FHIT: variants seen among roughly 807,000 people sequenced by gnomAD.
FHIT encodes the protein bis(5'-adenosyl)-triphosphatase.
FHIT carries 19 observed loss-of-function variants against 17.9 expected under a neutral mutation model. The ratio of observed to expected loss-of-function variants is 1.06; its 90% CI spans 0.74 to 1.56. The LOEUF (loss-of-function observed/expected upper bound fraction) is 1.56, where lower values mean the gene tolerates loss of function less well. Ranked by LOEUF, FHIT falls within the 40% of genes most tolerant of loss-of-function variation. The pLI, the probability that FHIT is intolerant of heterozygous loss-of-function variation, is 0.00. For synonymous variants in FHIT, 81 were observed against 69.7 expected (o/e 1.16, Z -0.81); for missense variants, 248 against 189.2 (o/e 1.31, Z -1.82).
chr3:61,118,534 A>G (rs2036367029), intron 2 of FHIT, among the ~76,000 whole-genome samples: 1 of 152,308 alleles, frequency 6.6e-6, no homozygotes, highest in Admixed American at 6.5e-5. Flanking sequence ...TTGTATTTCC[A>G]TTTCAAAGAC....
At chr3:59,779,188 T>C (rs1702462646) in intron 8 of FHIT, among the ~76,000 whole-genome samples, 1 of 152,168 alleles carries the variant, frequency 6.6e-6, no homozygotes, top group South Asian at 2.1e-4. Context: ...AGCTTGGACA[T>C]AAAGACTTTC....
chr3:60,503,352 A>G (rs1439942384), intron 5 of FHIT, among the ~76,000 whole-genome samples: 1 of 152,122 alleles, frequency 6.6e-6, no homozygotes, highest in Non-Finnish European at 1.5e-5. Context: ...TTGTATGTCC[A>G]CTCATTGAGA....
intron 8 of FHIT, among the ~76,000 whole-genome samples, chr3:59,912,123 T>A (rs975225813): frequency 1.3e-5 from 2 of 152,224 alleles, no homozygotes; most frequent in African/African-American, 4.8e-5. Flanking sequence ...AATGCCCAAA[T>A]GAGCACTTCA....
At chr3:60,319,901 A>G (rs879284404) in intron 5 of FHIT, among the ~76,000 whole-genome samples, 1 of 152,162 alleles carries the variant, frequency 6.6e-6, no homozygotes, top group East Asian at 1.9e-4. Flanking sequence ...TGCCTACACA[A>G]AACAGGGTTT....
At chr3:60,855,142 C>A (rs1036073593) in intron 3 of FHIT, among the ~76,000 whole-genome samples, 1 of 152,072 alleles carries the variant, frequency 6.6e-6, no homozygotes, top group Admixed American at 6.6e-5. Flanking sequence ...AAAATGTATT[C>A]TCCTTCTTCT....
intron 2 of FHIT, among the ~76,000 whole-genome samples, chr3:61,180,070 A>G (rs1226852382): frequency 6.6e-6 from 1 of 152,198 alleles, no homozygotes; most frequent in African/African-American, 2.4e-5. Context: ...CTCTGAAAAC[A>G]CTGAGAAGTT....
intron 4 of FHIT, chr3:60,618,060 A>G (rs1185147377): frequency 1.2e-5 from 2 of 162,768 alleles, no homozygotes; most frequent in African/African-American, 2.4e-5. Flanking sequence ...AAAGATACAA[A>G]GTAAATTTAA....
intron 1 of FHIT, among the ~76,000 whole-genome samples, chr3:61,213,025 C>G (rs1457921007): frequency 1.3e-5 from 2 of 152,180 alleles, no homozygotes; most frequent in Admixed American, 6.5e-5. Flanking sequence ...TGGAAAGGAA[C>G]AACCAGTACC....
intron 8 of FHIT, among the ~76,000 whole-genome samples, chr3:59,765,489 T>C (rs558013689): frequency 1.3e-5 from 2 of 152,316 alleles, no homozygotes; most frequent in African/African-American, 4.8e-5. Flanking sequence ...AAATTACCAA[T>C]GTTTGAAAGT....
At position 60,288,566 on chromosome 3, in the gene FHIT, A is replaced by AGTGTGTGTGTGTGTGT. The variant is rs139336094; in HGVS notation, c.103+248278_103+248293dup. Among the ~76,000 whole-genome samples the AGTGTGTGTGTGTGTGT allele has an allele frequency of 7.6e-4, 110 of 144,664 alleles. 1 individual carries two copies. The Middle Eastern group carries it at 0.014, about 19-fold the overall frequency. The allele number at this position is 144,664 out of a possible 152,430, so 94.9% of individuals were successfully genotyped here. On this transcript the variant is annotated intron_variant, in intron 5 of 9. Transcript: ENST00000492590. ...CATTCTGTTTTCTAGGTTCTGGCACAGTGTGTGTGTGTGTGTGTGTGTGTG... is the reference window on the plus strand; with the variant it reads ...CATTCTGTTTTCTAGGTTCTGGCACAGTGTGTGTGTGTGTGTGTGTGTGTGTGTGTGTGTGTGTGTG...
chr3:60,995,227 T>G (rs887769828), intron 3 of FHIT, among the ~76,000 whole-genome samples: 1 of 151,802 alleles, frequency 6.6e-6, no homozygotes, highest in Non-Finnish European at 1.5e-5. Flanking sequence ...GGCTGAGGCA[T>G]GAGAATGGCG....
intron 4 of FHIT, among the ~76,000 whole-genome samples, chr3:60,715,993 G>A (rs536606604): frequency 6.6e-6 from 1 of 152,200 alleles, no homozygotes; most frequent in East Asian, 1.9e-4. Context: ...GCTCATGCCT[G>A]TAATCCCAGC....
intron 4 of FHIT, among the ~76,000 whole-genome samples, chr3:60,586,003 T>C (rs1000997657): frequency 6.6e-6 from 1 of 151,920 alleles, no homozygotes; most frequent in Non-Finnish European, 1.5e-5. Flanking sequence ...AAAAGAATTT[T>C]CTTCTCATGG....
chr3:60,270,663 A>G (rs1415885980), intron 5 of FHIT, among the ~76,000 whole-genome samples: 1 of 152,242 alleles, frequency 6.6e-6, no homozygotes, highest in Non-Finnish European at 1.5e-5. Flanking sequence ...AGGTAGGAAA[A>G]AAGCTCAAAT....
At chr3:60,561,544 T>C (rs1166743398) in intron 4 of FHIT, among the ~76,000 whole-genome samples, 2 of 152,020 alleles carry the variant, frequency 1.3e-5, no homozygotes, top group East Asian at 1.9e-4. Context: ...AATAGTCATC[T>C]GGGCAGGGGA....
chr3:60,743,798 C>A (rs1222309432), intron 4 of FHIT, among the ~76,000 whole-genome samples: 2 of 152,150 alleles, frequency 1.3e-5, no homozygotes, highest in Admixed American at 6.5e-5. Context: ...GGGACCAGAA[C>A]TGAAGCAAGG....
chr3:59,918,750 T>A (rs1705261028), intron 8 of FHIT, among the ~76,000 whole-genome samples: 1 of 152,208 alleles, frequency 6.6e-6, no homozygotes, highest in South Asian at 2.1e-4. Flanking sequence ...TAGAAGGCAG[T>A]CGTGGCAACT....
intron 5 of FHIT, among the ~76,000 whole-genome samples, chr3:60,504,635 C>G (rs2034656490): frequency 6.6e-6 from 1 of 152,034 alleles, no homozygotes; most frequent in Non-Finnish European, 1.5e-5. Flanking sequence ...AGTGGACAGG[C>G]TGTATTCAAC....
At chr3:60,236,593 T>A (rs995027653) in intron 5 of FHIT, among the ~76,000 whole-genome samples, 6 of 152,182 alleles carry the variant, frequency 3.9e-5, no homozygotes, top group Non-Finnish European at 8.8e-5. Context: ...CAGTAGTTCA[T>A]ATTCACATAT....
Sources: allele counts gnomAD v4.1 joint callset (sites outside exome capture counted in the v4.1 genomes callset), GRCh38; gene constraint gnomAD v4.1.1; transcripts MANE v1.5; gene names NCBI Gene and HGNC (gene_info 2026-07-23, HGNC 2026-07-21).